The following APP variants were observed in gnomAD, a reference collection of about 807,000 sequenced individuals.
APP encodes the protein amyloid-beta precursor protein.
APP carries 31 observed loss-of-function variants against 101.4 expected under a neutral mutation model. That is an observed-to-expected ratio of 0.31 (90% CI 0.23 to 0.41). The LOEUF is 0.41. APP is among the 10% of genes least tolerant of loss of function. The probability of loss-of-function intolerance (pLI) is 1.00; values close to 1 mark genes in which losing one functional copy is unlikely to be tolerated. For missense variants in APP, 839 were observed against 1,003.7 expected (o/e 0.84, Z 2.22); for synonymous variants, 366 against 364.4 (o/e 1.00, Z -0.05).
At chr21:26,140,263 A>G (rs923296815) in intron 1 of APP, 2 of 1,535,878 alleles carry the variant, frequency 1.3e-6, no homozygotes, top group African/African-American at 2.7e-5. Flanking sequence ...ACTCCCTGAG[A>G]TCAACAAACT....
chr21:25,958,531 C>A (rs1322422631), intron 11 of APP, among the ~76,000 whole-genome samples: 3 of 144,966 alleles, frequency 2.1e-5, no homozygotes, highest in Non-Finnish European at 4.5e-5. Context: ...CCCGCCTTGG[C>A]CTCCCAAAGT....
Position 26,051,012 on chromosome 21 carries a change from T to G in APP, c.650A>C (p.Tyr217Ser), listed in dbSNP as rs747532838. The change falls in exon 5 of 18, where the codon TAT becomes TCT. Residue 217 changes from tyrosine (Y) to serine (S), a missense_variant. Coordinates refer to ENST00000346798, the MANE Select transcript of APP (RefSeq NM_000484.4). ...DVWWGGADTD[Y>S]ADGSEDKVVE... ...AAGGCCACCTTACCTCCCATCTGCA[T>G]AGTCTGTGTCTGCTCCGCCCCACCA... 1.9e-6 allele frequency: 3 copies of G among 1,614,058 alleles called. No individual in the cohort carries two copies. In the African/African-American group the frequency reaches 4.0e-5, roughly 22 times the overall value.
intron 1 of APP, among the ~76,000 whole-genome samples, chr21:26,149,154 A>C (rs931686816): frequency 2.0e-5 from 3 of 152,218 alleles, no homozygotes; most frequent in African/African-American, 7.2e-5. Context: ...TTGCATTCCA[A>C]GGCTTGCTTA....
intron 6 of APP, among the ~76,000 whole-genome samples, 160 bp from the exon 7 acceptor site, chr21:26,000,342 C>T (rs1462432546): frequency 1.3e-5 from 2 of 152,176 alleles, no homozygotes; most frequent in African/African-American, 2.4e-5. Flanking sequence ...AACTGGCCAC[C>T]AGGACTAGAG....
chr21:25,886,600 G>C (rs1380761868), intron 17 of APP, among the ~76,000 whole-genome samples: 1 of 151,922 alleles, frequency 6.6e-6, no homozygotes, highest in Non-Finnish European at 1.5e-5. Flanking sequence ...TCACCATGTT[G>C]GCCAGGCTGG....
rs899845582 is a variant in APP, at chr21:26,010,404, T to C, written c.866-10222A>G. On this transcript the variant is annotated intron_variant, in intron 6 of 17. Coordinates refer to ENST00000346798, the MANE Select transcript of APP (RefSeq NM_000484.4). ...TTTTACCTTACTAAATGTGTATTTA[T>C]CATATTTGCTTTGGCATATTTTTGT... Among the ~76,000 whole-genome samples the C allele has an allele frequency of 2.0e-5, 3 of 152,220 alleles. No homozygotes were observed. The South Asian group carries it at 6.2e-4, about 32-fold the overall frequency.
At chr21:26,113,879 T>C (rs1216762284) in intron 1 of APP, among the ~76,000 whole-genome samples, 1 of 152,190 alleles carries the variant, frequency 6.6e-6, no homozygotes, top group African/African-American at 2.4e-5. Context: ...ATAATAACAC[T>C]GCAAAAACAT....
intron 5 of APP, among the ~76,000 whole-genome samples, chr21:26,050,654 C>A (rs2045799430): frequency 6.6e-6 from 1 of 151,872 alleles, no homozygotes; most frequent in Non-Finnish European, 1.5e-5. Context: ...ACTGACAATC[C>A]CAGAGAGCAT....
intron 6 of APP, among the ~76,000 whole-genome samples, chr21:26,007,873 G>T (rs1274673454): frequency 6.6e-6 from 1 of 152,084 alleles, no homozygotes; most frequent in Non-Finnish European, 1.5e-5. Context: ...CTCTAATAAG[G>T]CAATAAATTA....
At chr21:25,996,813 A>G (rs952931822) in intron 8 of APP, among the ~76,000 whole-genome samples, 4 of 152,206 alleles carry the variant, frequency 2.6e-5, no homozygotes, top group African/African-American at 9.6e-5. Context: ...AGTCCTGTAT[A>G]GCAGCACCTC....
chr21:26,126,828 A>G (rs957354301), intron 1 of APP, among the ~76,000 whole-genome samples: 3 of 152,010 alleles, frequency 2.0e-5, no homozygotes, highest in East Asian at 3.9e-4. Flanking sequence ...CTGTATTTCT[A>G]TTTGTTCACA....
intron 13 of APP, among the ~76,000 whole-genome samples, chr21:25,950,069 T>C (rs1260390163): frequency 6.6e-6 from 1 of 152,252 alleles, no homozygotes; most frequent in Non-Finnish European, 1.5e-5. Context: ...GCCAGAGGGC[T>C]TGGCTCCTTG....
rs531722363 is a variant in APP at position 26,003,656 on chromosome 21, A to G, written c.866-3474T>C. ...TGTTACTTCTCAATCTCTAAGAGAC[A>G]GCTACCTTGTCCAACTGGTTCTCAT... On this transcript the variant is annotated intron_variant, in intron 6 of 17. Coordinates refer to ENST00000346798, the MANE Select transcript of APP (RefSeq NM_000484.4). 1.2e-4 allele frequency among the ~76,000 whole-genome samples: 19 copies of G among 152,364 alleles called. No individual in the cohort carries two copies. In the South Asian group the frequency reaches 2.7e-3, roughly 22 times the overall value.
intron 7 of APP, among the ~76,000 whole-genome samples, chr21:25,998,910 A>G (rs1004972072): frequency 6.6e-6 from 1 of 152,194 alleles, no homozygotes; most frequent in African/African-American, 2.4e-5. Context: ...TTTGGGGAAA[A>G]TTTCATCATG....
Position 25,982,491 on chromosome 21 carries a change from G to A in APP, c.1091-14C>T, listed in dbSNP as rs773381189. ...CTGTTGTAGGAACTATAAAGTAGAA[G>A]AGAAGGAGGTTTGAGAAAAAAAAGC... On this transcript the variant is annotated splice_polypyrimidine_tract_variant and intron_variant, in intron 8 of 17. Transcript: ENST00000346798. 8 of 1,612,898 alleles carry A rather than the reference G, an allele frequency of 5.0e-6. No homozygotes were observed. Among genetic ancestry groups the A allele is most frequent in the Non-Finnish European group, 6.8e-6 (8 of 1,179,464 alleles).
At chr21:25,985,645 G>A (rs749330707) in intron 8 of APP, among the ~76,000 whole-genome samples, 1 of 152,086 alleles carries the variant, frequency 6.6e-6, no homozygotes, top group African/African-American at 2.4e-5. Context: ...ATTGTTGTGT[G>A]AGTCAATTCT....
chr21:25,881,640 T>TC lies in APP; in HGVS notation c.*29dup, dbSNP rs1250826767. 1 of 1,604,910 alleles carries TC rather than the reference T, an allele frequency of 6.2e-7. No homozygotes were observed. Among genetic ancestry groups the TC allele is most frequent in the Non-Finnish European group, 8.5e-7 (1 of 1,171,854 alleles). On this transcript the variant is annotated 3_prime_UTR_variant, in exon 18 of 18. Coordinates refer to ENST00000346798, the MANE Select transcript of APP (RefSeq NM_000484.4). ...GGGTAGTGAAGCAATGGTTTTGCTG[T>TC]CCAACTTCAGAGGCTGCTGTGGCGG... is the stretch of plus-strand genomic sequence containing the variant.
At chr21:26,089,880 C>T in intron 3 of APP, 63 bp downstream of exon 3, 1 of 1,609,528 alleles carries the variant, frequency 6.2e-7, no homozygotes, top group East Asian at 2.2e-5. Context: ...CAGGAGCATC[C>T]TCTTTTTCTT....
At chr21:25,908,141 C>T (rs950954150) in intron 14 of APP, among the ~76,000 whole-genome samples, 1 of 152,236 alleles carries the variant, frequency 6.6e-6, no homozygotes, top group African/African-American at 2.4e-5. Context: ...ATGTCATCAA[C>T]GCTAATGCTT....
Sources: allele counts gnomAD v4.1 joint callset (sites outside exome capture counted in the v4.1 genomes callset), GRCh38; gene constraint gnomAD v4.1.1; transcripts MANE v1.5; gene names NCBI Gene and HGNC (gene_info 2026-07-23, HGNC 2026-07-21).